SUGCT: variants seen among roughly 807,000 people sequenced by gnomAD.
The protein encoded by SUGCT is succinyl-CoA:glutarate-CoA transferase.
A neutral mutation model predicts 55.0 loss-of-function variants in SUGCT; 41 were observed. The ratio of observed to expected loss-of-function variants is 0.74; its 90% CI spans 0.58 to 0.97. The LOEUF (loss-of-function observed/expected upper bound fraction) is 0.97, where lower values mean the gene tolerates loss of function less well. Among genes scored for constraint, SUGCT ranks in the 50% least tolerant of loss-of-function variants. The pLI is 0.00. For missense variants in SUGCT, 568 were observed against 547.8 expected, an observed-to-expected ratio of 1.04 and a Z score of -0.37; for synonymous variants, 187 against 200.4, an observed-to-expected ratio of 0.93 and a Z score of 0.56.
intron 9 of SUGCT, among the ~76,000 whole-genome samples, chr7:40,338,501 T>A (rs984491603): frequency 1.3e-5 from 2 of 152,226 alleles, no homozygotes; most frequent in African/African-American, 4.8e-5. Flanking sequence ...ATTCATTTGA[T>A]CTTCAATCAC....
the SUGCT span, among the ~76,000 whole-genome samples, chr7:40,951,605 C>T: frequency 6.6e-6 from 1 of 151,876 alleles, no homozygotes; most frequent in Non-Finnish European, 1.5e-5. Context: ...CTATAAATTT[C>T]CCTCTACACA....
intron 11 of SUGCT, among the ~76,000 whole-genome samples, chr7:40,494,953 C>T (rs534657353): frequency 1.7e-4 from 26 of 151,512 alleles, no homozygotes; most frequent in Non-Finnish European, 2.6e-4. Flanking sequence ...TCTTGTTGTC[C>T]AGGCCTGGAG....
the SUGCT span, among the ~76,000 whole-genome samples, chr7:40,980,635 G>T: frequency 7.6e-6 from 1 of 132,150 alleles, no homozygotes; most frequent in East Asian, 2.2e-4. Context: ...CTGTAAAAGA[G>T]AAATATTAGA....
chr7:40,890,055 G>A, the SUGCT span, among the ~76,000 whole-genome samples: 1 of 151,784 alleles, frequency 6.6e-6, no homozygotes, highest in Non-Finnish European at 1.5e-5. Context: ...GTTGTTCAAT[G>A]AGCACTGATT....
chr7:40,397,833 A>AT (rs1378241474), intron 9 of SUGCT, among the ~76,000 whole-genome samples: 2 of 152,186 alleles, frequency 1.3e-5, no homozygotes, highest in African/African-American at 4.8e-5. Context: ...TTGATGGTCC[A>AT]TTCCATATCC....
intron 13 of SUGCT, among the ~76,000 whole-genome samples, chr7:40,814,849 A>G (rs1791591556): frequency 6.6e-6 from 1 of 152,086 alleles, no homozygotes; most frequent in Non-Finnish European, 1.5e-5. Flanking sequence ...TAGTGTGGGT[A>G]GGATTTTTCT....
chr7:40,396,860 A>AAAGCAAGACAAAAAAGATCATGGGCTC (rs1348489076), intron 9 of SUGCT, among the ~76,000 whole-genome samples: 2 of 152,182 alleles, frequency 1.3e-5, no homozygotes, highest in Non-Finnish European at 1.5e-5. Context: ...GTAACTGGAC[A>AAAGCAAGACAAAAAAGATCATGGGCTC]AAGCAAGACA....
chr7:40,379,178 T>A (rs1238158863), intron 9 of SUGCT, among the ~76,000 whole-genome samples: 2 of 152,210 alleles, frequency 1.3e-5, no homozygotes. Context: ...GAATCTGTCC[T>A]ATAGCTTTTA....
chr7:41,023,617 G>A, the SUGCT span, among the ~76,000 whole-genome samples: 1 of 152,126 alleles, frequency 6.6e-6, no homozygotes, highest in Non-Finnish European at 1.5e-5. Flanking sequence ...TGGACAAATT[G>A]ACAATAATAA....
At chr7:40,175,207 A>G (rs905172532) in intron 1 of SUGCT, among the ~76,000 whole-genome samples, 30 of 150,008 alleles carry the variant, frequency 2.0e-4, no homozygotes, top group Non-Finnish European at 4.4e-4. Context: ...GGTATCTTTC[A>G]CTGTAGTGCG....
At chr7:40,934,292 C>T in the SUGCT span, among the ~76,000 whole-genome samples, 1 of 152,152 alleles carries the variant, frequency 6.6e-6, no homozygotes, top group Non-Finnish European at 1.5e-5. Flanking sequence ...AATATTGCTG[C>T]CTGATCCTTC....
At chr7:40,162,186 G>A (rs1400636158) in intron 1 of SUGCT, among the ~76,000 whole-genome samples, 2 of 152,196 alleles carry the variant, frequency 1.3e-5, no homozygotes, top group South Asian at 2.1e-4. Context: ...ATGAGCTACC[G>A]CGCCCGGCCG....
At chr7:40,192,204 G>A (rs1018578336) in intron 5 of SUGCT, among the ~76,000 whole-genome samples, 10 of 149,668 alleles carry the variant, frequency 6.7e-5, no homozygotes, top group Middle Eastern at 7.0e-3. Flanking sequence ...TTAGTTTATA[G>A]AAACAGTTCC....
At chr7:40,648,737 G>A (rs547621836) in intron 12 of SUGCT, among the ~76,000 whole-genome samples, 2 of 152,170 alleles carry the variant, frequency 1.3e-5, no homozygotes, top group Non-Finnish European at 2.9e-5. Flanking sequence ...AAGTGTTATT[G>A]CTACTTTATT....
chr7:40,212,217 TC>T (rs1397292636), intron 6 of SUGCT, among the ~76,000 whole-genome samples: 5 of 151,564 alleles, frequency 3.3e-5, no homozygotes, highest in Admixed American at 6.6e-5. Flanking sequence ...CCCAAGTTTG[TC>T]AATTCTAAAG....
At chr7:40,686,156 G>C (rs1283044481) in intron 12 of SUGCT, among the ~76,000 whole-genome samples, 2 of 152,032 alleles carry the variant, frequency 1.3e-5, no homozygotes, top group African/African-American at 2.4e-5. Context: ...CTGGTTTCCT[G>C]TTCCATTGTT....
At chr7:41,018,712 A>G in the SUGCT span, among the ~76,000 whole-genome samples, 1 of 152,236 alleles carries the variant, frequency 6.6e-6, no homozygotes, top group Non-Finnish European at 1.5e-5. Flanking sequence ...TGAAGAAACT[A>G]TGGAGGATAG....
Position 40,188,434 on chromosome 7 carries a change from C to CCAAAA in SUGCT, c.227-61_227-60insCAAAA, listed in dbSNP as rs746391689. 179 of 601,122 alleles carry CCAAAA rather than the reference C, an allele frequency of 3.0e-4. 1 individual carries two copies. Among genetic ancestry groups the CCAAAA allele is most frequent in the Admixed American group, 5.5e-4 (10 of 18,262 alleles). The allele number at this position is 601,122 out of a possible 1,614,324, so 37.2% of individuals were successfully genotyped here. On this transcript the variant is annotated intron_variant, in intron 3 of 13. Coordinates refer to ENST00000335693, the MANE Select transcript of SUGCT (RefSeq NM_001193313.2). ...GGGCAACAGAGCAAGACTCCATCTCCAAAAAAAAAAAAAAAAAAAAACAAA... is the reference window on the plus strand; with the variant it reads ...GGGCAACAGAGCAAGACTCCATCTCCCAAAAAAAAAAAAAAAAAAAAAAAAACAAA...
At chr7:40,407,049 T>G (rs1007189917) in intron 9 of SUGCT, among the ~76,000 whole-genome samples, 2 of 152,144 alleles carry the variant, frequency 1.3e-5, no homozygotes, top group African/African-American at 2.4e-5. Context: ...TACATTTTTT[T>G]GTCAAAAAAG....
Sources: allele counts gnomAD v4.1 joint callset (sites outside exome capture counted in the v4.1 genomes callset), GRCh38; gene constraint gnomAD v4.1.1; transcripts MANE v1.5; gene names NCBI Gene and HGNC (gene_info 2026-07-23, HGNC 2026-07-21).